TCF12: variants seen among roughly 807,000 people sequenced by gnomAD.
The protein encoded by TCF12 is DNA-binding protein HTF4.
In TCF12, 45 loss-of-function variants were observed where a neutral mutation model predicts 86.0. The ratio of observed to expected loss-of-function variants is 0.52; its 90% CI spans 0.41 to 0.67. TCF12 has a LOEUF of 0.67. Ranked by LOEUF, TCF12 falls within the 30% of genes least tolerant of loss-of-function variation. The pLI, the probability that TCF12 is intolerant of heterozygous loss-of-function variation, is 0.00. For missense variants in TCF12, 881 were observed against 859.9 expected, an observed-to-expected ratio of 1.02 and a Z score of -0.31; for synonymous variants, 330 against 299.6, an observed-to-expected ratio of 1.10 and a Z score of -1.05.
intron 12 of TCF12, among the ~76,000 whole-genome samples, chr15:57,235,003 T>C (rs2059322147): frequency 6.6e-6 from 1 of 152,218 alleles, no homozygotes; most frequent in African/African-American, 2.4e-5. Context: ...GAAGCAACTG[T>C]TGAGCATTTA....
intron 6 of TCF12, among the ~76,000 whole-genome samples, chr15:57,178,923 T>G (rs2056144431): frequency 6.6e-6 from 1 of 152,220 alleles, no homozygotes; most frequent in Non-Finnish European, 1.5e-5. Flanking sequence ...TTTAGCTTGT[T>G]CTCTTCATAT....
At chr15:56,980,079 C>A (rs1399604725) in intron 3 of TCF12, among the ~76,000 whole-genome samples, 2 of 152,126 alleles carry the variant, frequency 1.3e-5, no homozygotes, top group Non-Finnish European at 2.9e-5. Context: ...TTTGTTTTGG[C>A]TGAGCACGGT....
intron 12 of TCF12, among the ~76,000 whole-genome samples, chr15:57,240,605 G>A (rs1032697206): frequency 2.0e-5 from 3 of 152,104 alleles, no homozygotes; most frequent in Non-Finnish European, 2.9e-5. Flanking sequence ...TTGAGGGCCG[G>A]GTTCAATGGC....
At chr15:57,021,554 C>G (rs2141255356) in intron 3 of TCF12, among the ~76,000 whole-genome samples, 1 of 152,302 alleles carries the variant, frequency 6.6e-6, no homozygotes, top group Non-Finnish European at 1.5e-5. Flanking sequence ...GCCTCAGAAT[C>G]TGTCTTAGGA....
intron 3 of TCF12, among the ~76,000 whole-genome samples, chr15:56,997,610 C>CTTTAA (rs1391156210): frequency 6.6e-6 from 1 of 151,986 alleles, no homozygotes; most frequent in East Asian, 1.9e-4. Flanking sequence ...ACATATACCC[C>CTTTAA]CAGATTCTAA....
intron 4 of TCF12, among the ~76,000 whole-genome samples, chr15:57,090,201 G>C (rs2151108586): frequency 6.6e-6 from 1 of 152,206 alleles, no homozygotes; most frequent in African/African-American, 2.4e-5. Context: ...GGGCAACAGA[G>C]CGAGGGCCCT....
intron 19 of TCF12, among the ~76,000 whole-genome samples, chr15:57,276,796 CT>C (rs869236450): frequency 5.2e-5 from 7 of 134,432 alleles, no homozygotes; most frequent in African/African-American, 8.2e-5. Context: ...TTTTTTTTTT[CT>C]TTTTTTTTTC....
chr15:57,281,275 T>C (rs1331636012), intron 19 of TCF12, among the ~76,000 whole-genome samples: 3 of 152,210 alleles, frequency 2.0e-5, no homozygotes, highest in Admixed American at 2.0e-4. Flanking sequence ...CGCAGTCTTG[T>C]TTGCTATCTT....
At chr15:57,228,277 A>T (rs2151906191) in intron 8 of TCF12, among the ~76,000 whole-genome samples, 1 of 152,250 alleles carries the variant, frequency 6.6e-6, no homozygotes, top group South Asian at 2.1e-4. Flanking sequence ...TATAGTTAAG[A>T]TACCAAAAGT....
intron 3 of TCF12, among the ~76,000 whole-genome samples, chr15:56,973,556 A>G (rs375267943): frequency 6.6e-6 from 1 of 152,292 alleles, no homozygotes; most frequent in Non-Finnish European, 1.5e-5. Context: ...ACTAATGTAT[A>G]TAAAAGGAAC....
intron 3 of TCF12, among the ~76,000 whole-genome samples, chr15:56,930,691 A>G (rs1244894804): frequency 2.0e-5 from 3 of 149,222 alleles, no homozygotes; most frequent in Admixed American, 1.3e-4. Context: ...TCTTTTATCT[A>G]AGTATCAGCT....
chr15:56,938,146 T>C (rs1290423018), intron 3 of TCF12, among the ~76,000 whole-genome samples: 1 of 140,548 alleles, frequency 7.1e-6, no homozygotes, highest in African/African-American at 3.1e-5. Flanking sequence ...TTTTTTCTTC[T>C]TTTTTTTTGT....
chr15:56,931,320 T>A (rs2060239232), intron 3 of TCF12, among the ~76,000 whole-genome samples: 1 of 152,216 alleles, frequency 6.6e-6, no homozygotes, highest in South Asian at 2.1e-4. Context: ...TCTCATCTTT[T>A]GGGCCAAGGA....
At chr15:57,236,581 T>G (rs967607873) in intron 12 of TCF12, among the ~76,000 whole-genome samples, 6 of 152,212 alleles carry the variant, frequency 3.9e-5, no homozygotes, top group Non-Finnish European at 5.9e-5. Flanking sequence ...GTCTAATATA[T>G]GTCTTAAAAG....
At chr15:56,956,291 TCCTCCTTTTATG>T (rs2061501998) in intron 3 of TCF12, among the ~76,000 whole-genome samples, 2 of 151,900 alleles carry the variant, frequency 1.3e-5, no homozygotes, top group African/African-American at 4.8e-5. Context: ...GGTTCCCTTT[TCCTCCTTTTATG>T]CCTCCTTTTA....
At chr15:56,932,305 A>G (rs1366145976) in intron 3 of TCF12, among the ~76,000 whole-genome samples, 3 of 152,234 alleles carry the variant, frequency 2.0e-5, no homozygotes, top group African/African-American at 7.2e-5. Flanking sequence ...AGAAATCAAC[A>G]GTGAAATACA....
chr15:57,116,234 C>T (rs72731930), intron 5 of TCF12, among the ~76,000 whole-genome samples: 7,955 of 152,314 alleles, frequency 0.052, 300 homozygotes, highest in South Asian at 0.13. Flanking sequence ...CCTACATATA[C>T]ACATTTTCAC....
intron 4 of TCF12, among the ~76,000 whole-genome samples, chr15:57,087,650 A>T (rs1204844297): frequency 1.3e-5 from 2 of 152,130 alleles, no homozygotes; most frequent in African/African-American, 4.8e-5. Flanking sequence ...ATTATTTAAG[A>T]TTTACCAACC....
chr15:57,240,662 A>G (rs1489866813), intron 12 of TCF12, among the ~76,000 whole-genome samples: 1 of 152,142 alleles, frequency 6.6e-6, no homozygotes, highest in Non-Finnish European at 1.5e-5. Flanking sequence ...CAGGCAGATC[A>G]CTTCAGCCTA....
Sources: allele counts gnomAD v4.1 joint callset (sites outside exome capture counted in the v4.1 genomes callset), GRCh38; gene constraint gnomAD v4.1.1; transcripts MANE v1.5; gene names NCBI Gene and HGNC (gene_info 2026-07-23, HGNC 2026-07-21).